POTEC: variants seen among roughly 807,000 people sequenced by gnomAD.
POTEC encodes the protein ANKRD26-like family B member 2.
A neutral mutation model predicts 62.0 loss-of-function variants in POTEC; 35 were observed. The observed-to-expected ratio is 0.56, with a 90% CI of 0.43 to 0.75. The LOEUF is 0.75. Among genes scored for constraint, POTEC ranks in the 30% least tolerant of loss-of-function variants. The pLI is 0.00. For synonymous variants in POTEC, 156 were observed against 221.5 expected (o/e 0.70, Z 2.62); for missense variants, 472 against 655.9 (o/e 0.72, Z 3.06).
chr18:14,529,335 A>C (rs1352844594), intron 6 of POTEC, among the ~76,000 whole-genome samples: 1 of 152,182 alleles, frequency 6.6e-6, no homozygotes, highest in Non-Finnish European at 1.5e-5. Flanking sequence ...TGTTAAGTGG[A>C]CAAGTGAAAA....
chr18:14,521,370 T>C (rs1268238485), intron 9 of POTEC, among the ~76,000 whole-genome samples: 2 of 152,208 alleles, frequency 1.3e-5, no homozygotes, highest in African/African-American at 2.4e-5. Context: ...ATAATCAGTA[T>C]ACTCTAGATC....
At chr18:14,532,541 T>C (rs1263850464) in intron 5 of POTEC, among the ~76,000 whole-genome samples, 2 of 152,136 alleles carry the variant, frequency 1.3e-5, no homozygotes, top group Non-Finnish European at 2.9e-5. Context: ...GTGGCAACAA[T>C]GCAGCAACAA....
intron 9 of POTEC, among the ~76,000 whole-genome samples, chr18:14,514,437 G>A (rs1255209727): frequency 1.3e-5 from 2 of 152,106 alleles, no homozygotes; most frequent in Non-Finnish European, 2.9e-5. Context: ...TGTGGCCTGG[G>A]GATTGGAAAC....
Position 14,542,765 on chromosome 18 carries a change from A to G in POTEC, c.382T>C (p.Phe128Leu), listed in dbSNP as rs1412088619. Reference protein sequence around the residue: ...GAWGDYDDSAFMEPRYHVRRE... With the variant: ...GAWGDYDDSALMEPRYHVRRE... The stretch of plus-strand genomic sequence containing the variant: ...CGGACGTGGTACCTCGGCTCCATGA[A>G]GGCGCTGTCGTCGTAGTCTCCCCAA... The change falls in exon 1 of 11, where the codon TTC becomes CTC. Residue 128 changes from phenylalanine (F) to leucine (L), a missense_variant. By Grantham distance (22) the Phe-to-Leu change is conservative. Coordinates refer to ENST00000358970, the MANE Select transcript of POTEC (RefSeq NM_001137671.2). 8.1e-6 allele frequency: 13 copies of G among 1,613,644 alleles called. No individual in the cohort carries two copies. Among genetic ancestry groups the G allele is most frequent in the Non-Finnish European group, 1.1e-5 (13 of 1,179,862 alleles).
rs191338163 is a variant in POTEC, at chr18:14,524,133, C to T, written c.1198-626G>A. Among the ~76,000 whole-genome samples the T allele has an allele frequency of 4.1e-3, 629 of 152,176 alleles. 5 individuals are homozygous for T. Among genetic ancestry groups the T allele is most frequent in the African/African-American group, 0.013 (559 of 41,530 alleles). On this transcript the variant is annotated intron_variant, in intron 7 of 10. Transcript: ENST00000358970. Reference sequence around the variant, plus strand: ...TGCTTAAGTCCAGTTCTAATATATTCTAAGGTGTACTAATTATAGTGGATA... The same window carrying T: ...TGCTTAAGTCCAGTTCTAATATATTTTAAGGTGTACTAATTATAGTGGATA...
chr18:14,539,303 A>T (rs1403534205), intron 1 of POTEC, among the ~76,000 whole-genome samples: 7 of 151,990 alleles, frequency 4.6e-5, no homozygotes, highest in Non-Finnish European at 1.0e-4. Flanking sequence ...ATACAGGTGC[A>T]GGATGTGCAG....
At chr18:14,512,621 T>C (rs1910038559) in intron 10 of POTEC, among the ~76,000 whole-genome samples, 1 of 152,172 alleles carries the variant, frequency 6.6e-6, no homozygotes, top group African/African-American at 2.4e-5. Context: ...AAAAAATATA[T>C]GCAGCCAGGA....
chr18:14,542,707 G>A lies in POTEC; in HGVS notation c.440C>T (p.Ala147Val). The change falls in exon 1 of 11, where the codon GCC becomes GTC. Residue 147 changes from alanine to valine, a missense_variant. Coordinates refer to ENST00000358970, the MANE Select transcript of POTEC (RefSeq NM_001137671.2). ...CTTTCTGGGGACCTTACCCCACCAG[G>A]CAGCTCTGTGGAGCTTGTCCAGATC... ...REDLDKLHRA[A>V]WWGKVPRKDL... The A allele has an allele frequency of 1.2e-6, 2 of 1,613,164 alleles. No homozygotes were observed. The highest frequency in any genetic ancestry group is 8.5e-7 in the Non-Finnish European group (1 of 1,179,906).
intron 6 of POTEC, among the ~76,000 whole-genome samples, chr18:14,525,406 T>G (rs2143134830): frequency 6.6e-6 from 1 of 152,200 alleles, no homozygotes; most frequent in Non-Finnish European, 1.5e-5. Flanking sequence ...AAGGTCGTGG[T>G]TACCCTGTCT....
At chr18:14,531,882 G>C (rs781109571) in intron 5 of POTEC, 1 of 151,844 alleles carries the variant, frequency 6.6e-6, no homozygotes, top group Non-Finnish European at 1.5e-5. Context: ...GAGATTCTGA[G>C]AATTCTCTTC....
chr18:14,525,733 T>C (rs1910418334), intron 6 of POTEC, among the ~76,000 whole-genome samples: 1 of 151,504 alleles, frequency 6.6e-6, no homozygotes. Flanking sequence ...CTAAATACAA[T>C]CCTCTTGTTT....
At chr18:14,526,540 G>A (rs963090306) in intron 6 of POTEC, among the ~76,000 whole-genome samples, 2 of 152,136 alleles carry the variant, frequency 1.3e-5, no homozygotes, top group Non-Finnish European at 2.9e-5. Flanking sequence ...TGCCCAAGCA[G>A]AGACTCAAAT....
chr18:14,514,197 T>C (rs1319790607), intron 9 of POTEC, among the ~76,000 whole-genome samples: 1 of 152,128 alleles, frequency 6.6e-6, no homozygotes, highest in Non-Finnish European at 1.5e-5. Context: ...AGCATTAGAT[T>C]CTCATAAGGA....
intron 9 of POTEC, among the ~76,000 whole-genome samples, chr18:14,519,504 G>T (rs938875042): frequency 6.6e-6 from 1 of 152,106 alleles, no homozygotes; most frequent in African/African-American, 2.4e-5. Flanking sequence ...ATCACCTGAG[G>T]TCAGGAGTTT....
intron 9 of POTEC, among the ~76,000 whole-genome samples, chr18:14,517,337 C>T (rs1216745638): frequency 1.3e-5 from 2 of 152,224 alleles, no homozygotes; most frequent in African/African-American, 2.4e-5. Flanking sequence ...TCAATGACCA[C>T]TGCTCTTGCT....
chr18:14,533,901 GT>G (rs200431500), intron 4 of POTEC, among the ~76,000 whole-genome samples: 16 of 144,558 alleles, frequency 1.1e-4, no homozygotes, highest in Middle Eastern at 7.4e-3. Flanking sequence ...TGCCCAGCTA[GT>G]TTTTTTTTTG....
At chr18:14,519,537 G>C (rs1043253644) in intron 9 of POTEC, among the ~76,000 whole-genome samples, 3 of 151,920 alleles carry the variant, frequency 2.0e-5, no homozygotes, top group Non-Finnish European at 4.4e-5. Flanking sequence ...GCCAACATGG[G>C]GGAATGCTGT....
At chr18:14,523,963 T>C (rs1156369429) in intron 7 of POTEC, among the ~76,000 whole-genome samples, 1 of 152,182 alleles carries the variant, frequency 6.6e-6, no homozygotes, top group Non-Finnish European at 1.5e-5. Flanking sequence ...CTGAAGTGCT[T>C]TTTTAAAAGA....
intron 1 of POTEC, among the ~76,000 whole-genome samples, chr18:14,541,620 T>C (rs1036027971): frequency 6.6e-6 from 1 of 152,194 alleles, no homozygotes; most frequent in African/African-American, 2.4e-5. Flanking sequence ...GCCTGGGCCA[T>C]GGAGTGAGAG....
Sources: allele counts gnomAD v4.1 joint callset (sites outside exome capture counted in the v4.1 genomes callset), GRCh38; gene constraint gnomAD v4.1.1; transcripts MANE v1.5; gene names NCBI Gene and HGNC (gene_info 2026-07-23, HGNC 2026-07-21).